ETV6: variants seen among roughly 807,000 people sequenced by gnomAD.
ETV6 encodes transcription factor ETV6.
Under a neutral mutation model 51.1 loss-of-function variants are expected in ETV6, and 16 were observed. The ratio of observed to expected loss-of-function variants is 0.31; its 90% CI spans 0.21 to 0.48. ETV6 has a LOEUF of 0.48. Among genes scored for constraint, ETV6 ranks in the 20% least tolerant of loss-of-function variants. ETV6 has a pLI of 0.99. For synonymous variants in ETV6, 240 were observed against 224.1 expected (o/e 1.07, Z -0.64); for missense variants, 458 against 594.8 (o/e 0.77, Z 2.39).
chr12:11,860,607 C>T (rs903843003), intron 4 of ETV6, among the ~76,000 whole-genome samples: 12 of 151,684 alleles, frequency 7.9e-5, no homozygotes, highest in Admixed American at 3.3e-4. Context: ...TGAGTTAATA[C>T]GGAAAATGCC....
intron 2 of ETV6, among the ~76,000 whole-genome samples, chr12:11,810,484 C>G (rs1377684296): frequency 6.6e-6 from 1 of 152,174 alleles, no homozygotes; most frequent in African/African-American, 2.4e-5. Context: ...AACCAAGCAT[C>G]TGTGTGCCAT....
intron 1 of ETV6, among the ~76,000 whole-genome samples, chr12:11,685,177 T>C (rs1864604015): frequency 6.6e-6 from 1 of 152,196 alleles, no homozygotes; most frequent in Non-Finnish European, 1.5e-5. Flanking sequence ...GCTTTAGTTA[T>C]AGTCATTTGT....
intron 2 of ETV6, among the ~76,000 whole-genome samples, chr12:11,793,795 C>T (rs1187087781): frequency 1.3e-5 from 2 of 152,200 alleles, no homozygotes; most frequent in Non-Finnish European, 2.9e-5. Flanking sequence ...AACCTGGCTG[C>T]ATGGCAAAGA....
chr12:11,740,121 G>A (rs550114040), intron 1 of ETV6, among the ~76,000 whole-genome samples: 72 of 152,314 alleles, frequency 4.7e-4, no homozygotes, highest in African/African-American at 1.6e-3. Context: ...AACTACATTC[G>A]TGCGTAGTAC....
At chr12:11,675,945 TAAAA>T (rs1474745997) in intron 1 of ETV6, among the ~76,000 whole-genome samples, 1 of 151,688 alleles carries the variant, frequency 6.6e-6, no homozygotes, top group Non-Finnish European at 1.5e-5. Context: ...AGAAAGAAAA[TAAAA>T]GAAAGGGAAA....
intron 1 of ETV6, among the ~76,000 whole-genome samples, chr12:11,715,749 T>C (rs769273991): frequency 1.3e-5 from 2 of 152,264 alleles, no homozygotes; most frequent in Admixed American, 6.5e-5. Context: ...GATTTCTCTC[T>C]GTTATTTTGG....
At chr12:11,757,844 G>C (rs552600136) in intron 2 of ETV6, among the ~76,000 whole-genome samples, 1 of 152,174 alleles carries the variant, frequency 6.6e-6, no homozygotes, top group Admixed American at 6.5e-5. Context: ...CTTCTCCCTC[G>C]TAGTAGGATG....
intron 1 of ETV6, among the ~76,000 whole-genome samples, chr12:11,656,075 C>T (rs1024643825): frequency 6.6e-6 from 1 of 152,200 alleles, no homozygotes; most frequent in African/African-American, 2.4e-5. Flanking sequence ...CCATCATCAT[C>T]ACCGGCATCA....
chr12:11,894,202 A>G lies in ETV6; in HGVS notation c.*3156A>G, dbSNP rs1947355081. 4.3e-6 allele frequency: 1 copy of G among 232,236 alleles called. No homozygotes were observed. The highest frequency in any genetic ancestry group is 8.5e-6 in the Non-Finnish European group (1 of 117,518). 14.4% of individuals were successfully genotyped at this position (232,236 alleles called of 1,614,324 possible). Reference sequence around the variant, plus strand: ...CTGCCTAATCCACCCGGCGTGACTCATTTCAACACTAAGTACTAGGGGTGT... The same window carrying G: ...CTGCCTAATCCACCCGGCGTGACTCGTTTCAACACTAAGTACTAGGGGTGT... On this transcript the variant is annotated 3_prime_UTR_variant, in exon 8 of 8. Transcript: ENST00000396373.
At position 11,770,556 on chromosome 12, in the gene ETV6, G is replaced by A. The variant is rs147210611; in HGVS notation, c.163+17977G>A. 3.0e-3 allele frequency among the ~76,000 whole-genome samples: 463 copies of A among 152,222 alleles called. 4 individuals carry two copies. The highest frequency in any genetic ancestry group is 5.0e-3 in the Non-Finnish European group (340 of 68,016). ...GGGTCATATCTAGCCACTGTCAACC[G>A]GATGCTAGACTTGTTTTGTTAGGCC... is the stretch of plus-strand genomic sequence containing the variant. On this transcript the variant is annotated intron_variant, in intron 2 of 7. Coordinates refer to ENST00000396373, the MANE Select transcript of ETV6 (RefSeq NM_001987.5).
chr12:11,790,428 T>C (rs1433674468), intron 2 of ETV6, among the ~76,000 whole-genome samples: 1 of 152,146 alleles, frequency 6.6e-6, no homozygotes, highest in Non-Finnish European at 1.5e-5. Context: ...TGCCCACACA[T>C]TTCCTTGGGA....
chr12:11,733,833 T>C (rs1865649400), intron 1 of ETV6, among the ~76,000 whole-genome samples: 1 of 152,350 alleles, frequency 6.6e-6, no homozygotes, highest in Non-Finnish European at 1.5e-5. Flanking sequence ...AAGCTGATGC[T>C]GAGAGGTGGC....
chr12:11,656,903 A>T (rs1421065374), intron 1 of ETV6, among the ~76,000 whole-genome samples: 1 of 151,962 alleles, frequency 6.6e-6, no homozygotes, highest in African/African-American at 2.4e-5. Context: ...TCTCTCATGT[A>T]CATCTTTAAT....
intron 4 of ETV6, among the ~76,000 whole-genome samples, chr12:11,856,758 A>C (rs543436727): frequency 6.6e-6 from 1 of 152,330 alleles, no homozygotes; most frequent in Non-Finnish European, 1.5e-5. Context: ...CCATTTAATT[A>C]TGAAGGATAA....
At chr12:11,710,121 C>T (rs951594434) in intron 1 of ETV6, among the ~76,000 whole-genome samples, 1 of 152,192 alleles carries the variant, frequency 6.6e-6, no homozygotes, top group Non-Finnish European at 1.5e-5. Flanking sequence ...CTGGCCTACA[C>T]CATGGAAGAG....
At chr12:11,734,957 C>T (rs1168877182) in intron 1 of ETV6, among the ~76,000 whole-genome samples, 1 of 152,116 alleles carries the variant, frequency 6.6e-6, no homozygotes, top group Non-Finnish European at 1.5e-5. Flanking sequence ...AATATGAAAC[C>T]TTTCGTCTCT....
At position 11,752,498 on chromosome 12, in the gene ETV6, G is replaced by A. The variant is rs34966596; in HGVS notation, c.82G>A (p.Ala28Thr). The part of the protein sequence containing the change: ...TPPESPVPSY[A>T]SSTPLHVPVP... ...TCCAGAGAGCCCAGTGCCGAGTTACGCTTCCTCGACGCCACTTCATGTTCC... is the reference window on the plus strand; with the variant it reads ...TCCAGAGAGCCCAGTGCCGAGTTACACTTCCTCGACGCCACTTCATGTTCC... The change falls in exon 2 of 8, where the codon GCT becomes ACT. Residue 28 changes from alanine (A) to threonine (T), a missense_variant. Around this residue, in one of 4 missense-constraint regions of ETV6, gnomAD observed 84 missense variants for 75.9 expected, o/e 1.11. Coordinates refer to ENST00000396373, the MANE Select transcript of ETV6 (RefSeq NM_001987.5). 7.4e-6 allele frequency: 12 copies of A among 1,613,728 alleles called. No individual in the cohort carries two copies. The highest frequency in any genetic ancestry group is 1.6e-4 in the Middle Eastern group (1 of 6,078).
Position 11,868,420 on chromosome 12 carries a change from G to A in ETV6, c.464-1004G>A, listed in dbSNP as rs111691381. 2.7e-5 allele frequency among the ~76,000 whole-genome samples: 4 copies of A among 146,668 alleles called. No individual in the cohort carries two copies. The East Asian group carries it at 7.9e-4, about 29-fold the overall frequency. Reference sequence around the variant, plus strand: ...TGTCATGAGTGTCATAAGGTTGGGGGTTTTTTTCTTTTTTCTTCTTTTTTT... The same window carrying A: ...TGTCATGAGTGTCATAAGGTTGGGGATTTTTTTCTTTTTTCTTCTTTTTTT... On this transcript the variant is annotated intron_variant, in intron 4 of 7. Coordinates refer to ENST00000396373, the MANE Select transcript of ETV6 (RefSeq NM_001987.5).
chr12:11,772,129 A>G (rs1371646229), intron 2 of ETV6, among the ~76,000 whole-genome samples: 1 of 152,224 alleles, frequency 6.6e-6, no homozygotes, highest in East Asian at 1.9e-4. Flanking sequence ...TCAGACACCT[A>G]AAAAGTAGAA....
Sources: allele counts gnomAD v4.1 joint callset (sites outside exome capture counted in the v4.1 genomes callset), GRCh38; gene constraint gnomAD v4.1.1; regional missense constraint gnomAD v4.1.1; transcripts MANE v1.5; gene names NCBI Gene and HGNC (gene_info 2026-07-23, HGNC 2026-07-21).